NSD3: variants seen among roughly 807,000 people sequenced by gnomAD.
The protein encoded by NSD3 is histone-lysine N-methyltransferase NSD3.
NSD3 carries 24 observed loss-of-function variants against 160.8 expected under a neutral mutation model. The ratio of observed to expected loss-of-function variants is 0.15; its 90% CI spans 0.11 to 0.21. The LOEUF (loss-of-function observed/expected upper bound fraction) is 0.21. NSD3 is among the 10% of genes least tolerant of loss of function. The probability of loss-of-function intolerance (pLI) is 1.00; values close to 1 mark genes in which losing one functional copy is unlikely to be tolerated. For missense variants in NSD3, 1,157 were observed against 1,735.9 expected, an observed-to-expected ratio of 0.67 and a Z score of 5.93; for synonymous variants, 520 against 600.0, an observed-to-expected ratio of 0.87 and a Z score of 1.95.
chr8:38,326,966 A>G (rs1809927585), intron 6 of NSD3, 110 bp from the exon 7 acceptor site: 2 of 1,160,772 alleles, frequency 1.7e-6, no homozygotes, highest in Non-Finnish European at 2.4e-6. Flanking sequence ...TAAATTTTAT[A>G]TGGTCTTTGA....
At chr8:38,293,975 GA>G (rs34814646) in intron 16 of NSD3, among the ~76,000 whole-genome samples, 8,497 of 145,116 alleles carry the variant, frequency 0.059, 358 homozygotes, top group South Asian at 0.14. Context: ...TTTTACCTAG[GA>G]TTCTAACTGA....
intron 7 of NSD3, among the ~76,000 whole-genome samples, chr8:38,323,848 A>G (rs1438706131): frequency 1.3e-5 from 2 of 150,848 alleles, no homozygotes; most frequent in Non-Finnish European, 3.0e-5. Context: ...AAAAAAATTC[A>G]GTAACTTTCA....
Position 38,318,405 on chromosome 8 carries a change from T to A in NSD3, c.1855+490A>T, listed in dbSNP as rs1809719482. On this transcript the variant is annotated intron_variant, in intron 9 of 23. Coordinates refer to ENST00000317025, the MANE Select transcript of NSD3 (RefSeq NM_023034.2). This position sits in a 1 kb window ranked among gnomAD's most constrained non-coding sequence, Gnocchi z 5.3. ...ATATCTCAAATAGATTCGCATAAGGTCATCTAATAGTGGCCATAAATGCTA... is the reference window on the plus strand; with the variant it reads ...ATATCTCAAATAGATTCGCATAAGGACATCTAATAGTGGCCATAAATGCTA... Among the ~76,000 whole-genome samples the A allele has an allele frequency of 6.6e-6, 1 of 152,096 alleles. No individual in the cohort carries two copies. The highest frequency in any genetic ancestry group is 6.5e-5 in the Admixed American group (1 of 15,278).
chr8:38,328,230 T>C (rs1216195587), intron 6 of NSD3, among the ~76,000 whole-genome samples: 1 of 152,164 alleles, frequency 6.6e-6, no homozygotes, highest in Non-Finnish European at 1.5e-5. Flanking sequence ...GCATATATTT[T>C]TAGAGTCTTC....
intron 12 of NSD3, among the ~76,000 whole-genome samples, chr8:38,306,364 G>C (rs6995350): frequency 2.4e-4 from 36 of 152,140 alleles, no homozygotes; most frequent in African/African-American, 7.9e-4. Context: ...CAGGACATAT[G>C]AATAGTTCTG....
intron 19 of NSD3, among the ~76,000 whole-genome samples, chr8:38,285,555 G>A (rs888256573): frequency 3.3e-5 from 5 of 152,194 alleles, no homozygotes; most frequent in Admixed American, 6.5e-5. Flanking sequence ...AATCAAGACT[G>A]TTTAATAAGT....
At chr8:38,285,391 T>A (rs1384242737) in intron 19 of NSD3, among the ~76,000 whole-genome samples, 1 of 152,260 alleles carries the variant, frequency 6.6e-6, no homozygotes, top group Non-Finnish European at 1.5e-5. Context: ...CATATTGGAC[T>A]TCTTTCCTGT....
intron 16 of NSD3, 81 bp downstream of exon 16, chr8:38,295,715 T>C: frequency 7.3e-7 from 1 of 1,361,318 alleles, no homozygotes. Context: ...CCTATCTATC[T>C]CCAAGTCACT....
intron 1 of NSD3, among the ~76,000 whole-genome samples, chr8:38,375,492 C>G (rs995707613): frequency 5.9e-5 from 9 of 152,060 alleles, no homozygotes; most frequent in Non-Finnish European, 1.3e-4. Flanking sequence ...TCATGCTACA[C>G]AGTGCAGGTA....
intron 22 of NSD3, among the ~76,000 whole-genome samples, chr8:38,277,939 C>CTT (rs1212507237): frequency 1.5e-4 from 20 of 136,486 alleles, no homozygotes; most frequent in African/African-American, 4.3e-4. Flanking sequence ...AAACAGACTT[C>CTT]TTTTTTTTTT....
At chr8:38,350,443 T>C (rs1810662204) in intron 1 of NSD3, among the ~76,000 whole-genome samples, 1 of 152,240 alleles carries the variant, frequency 6.6e-6, no homozygotes, top group South Asian at 2.1e-4. Flanking sequence ...CCAGTGAAGA[T>C]GAGCATTTTT....
At chr8:38,367,551 A>C (rs1231998078) in intron 1 of NSD3, among the ~76,000 whole-genome samples, 3 of 152,066 alleles carry the variant, frequency 2.0e-5, no homozygotes, top group Non-Finnish European at 4.4e-5. Context: ...GTCTCTACCA[A>C]AAATACAAAA....
chr8:38,308,737 G>A (rs1809464061), intron 12 of NSD3, among the ~76,000 whole-genome samples: 2 of 152,134 alleles, frequency 1.3e-5, no homozygotes, highest in Admixed American at 1.3e-4. Flanking sequence ...GGAGGATTGA[G>A]CCCAGGAGGT....
intron 21 of NSD3, 105 bp downstream of exon 21, chr8:38,279,435 T>G: frequency 1.5e-6 from 2 of 1,327,196 alleles, no homozygotes; most frequent in South Asian, 3.1e-5. Context: ...TTCCTCTTAT[T>G]TAAATAAGTT....
In NSD3 at chr8:38,275,221, C is replaced by T. The variant is rs1277455654; in HGVS notation, c.*420G>A. ...CACTTGATTAGACTATTGAACTACA[C>T]TTCTTGAAATTCCTAAAAATGAAAA... On this transcript the variant is annotated 3_prime_UTR_variant, in exon 24 of 24. Transcript: ENST00000317025. 3.8e-6 allele frequency: 1 copy of T among 259,952 alleles called. No individual in the cohort carries two copies. The highest frequency in any genetic ancestry group is 7.4e-6 in the Non-Finnish European group (1 of 134,874). The allele number at this position is 259,952 out of a possible 1,614,324, so 16.1% of individuals were successfully genotyped here.
chr8:38,275,455 C>T lies in NSD3; in HGVS notation c.*186G>A. 1 of 591,372 alleles carries T rather than the reference C, an allele frequency of 1.7e-6. No individual in the cohort carries two copies. Among genetic ancestry groups the T allele is most frequent in the Non-Finnish European group, 2.9e-6 (1 of 342,256 alleles). 36.6% of individuals were successfully genotyped at this position (591,372 alleles called of 1,614,324 possible). The stretch of plus-strand genomic sequence containing the variant: ...TAACCCTCCACAAAAGAATCCCAAA[C>T]CAACCAAATCAAACAAAAACCAGAC... On this transcript the variant is annotated 3_prime_UTR_variant, in exon 24 of 24. Coordinates refer to ENST00000317025, the MANE Select transcript of NSD3 (RefSeq NM_023034.2).
chr8:38,326,333 G>A (rs2150373984), intron 7 of NSD3, among the ~76,000 whole-genome samples: 1 of 152,290 alleles, frequency 6.6e-6, no homozygotes, highest in East Asian at 1.9e-4. Flanking sequence ...TAGGAATAAT[G>A]ACAAGAGCTT....
chr8:38,331,462 T>C lies in NSD3; in HGVS notation c.1034A>G (p.Lys345Arg), dbSNP rs1585893249. 1.2e-6 allele frequency: 2 copies of C among 1,607,536 alleles called. No homozygotes were observed. Among genetic ancestry groups the C allele is most frequent in the East Asian group, 2.2e-5 (1 of 44,584 alleles). Residue 345 changes from lysine to arginine, a missense_variant, in exon 5 of 24, where the codon AAA (lysine) becomes AGA (arginine). Physicochemically the swap from Lys to Arg is conservative, Grantham distance 26. This residue lies in a region of NSD3 where 168 missense variants were observed against 208.1 expected (regional missense o/e 0.81). Coordinates refer to ENST00000317025, the MANE Select transcript of NSD3 (RefSeq NM_023034.2). The part of the protein sequence containing the change: ...QYEELLAEAT[K>R]QASNHSEKQK... Reference sequence around the variant, plus strand: ...TTTCTCAGAGTGATTGCTGGCTTGTTTGGTTGCCTCAGCCAGTAATTCTTC... The same window carrying C: ...TTTCTCAGAGTGATTGCTGGCTTGTCTGGTTGCCTCAGCCAGTAATTCTTC...
chr8:38,333,427 A>AT (rs1421786155), intron 4 of NSD3, among the ~76,000 whole-genome samples: 1 of 152,234 alleles, frequency 6.6e-6, no homozygotes, highest in African/African-American at 2.4e-5. Flanking sequence ...GAAGAGCTAA[A>AT]TTTTTAATGA....
Sources: gnomAD v4.1 joint callset for allele counts (sites outside exome capture counted in the v4.1 genomes callset) on GRCh38, gnomAD v4.1.1 for gene constraint, gnomAD v4.1.1 regional missense constraint, Gnocchi (gnomAD v3.1) non-coding constraint, MANE v1.5 for transcripts, NCBI Gene and HGNC (gene_info 2026-07-23, HGNC 2026-07-21) for gene names.